LPIN2: variants seen among roughly 807,000 people sequenced by gnomAD.
The protein encoded by LPIN2 is lipin 2.
In LPIN2, 55 loss-of-function variants were observed where a neutral mutation model predicts 111.4. That is an observed-to-expected ratio of 0.49 (90% CI 0.40 to 0.62). The LOEUF (loss-of-function observed/expected upper bound fraction) is 0.62, where lower values mean the gene tolerates loss of function less well. LPIN2 is among the 20% of genes least tolerant of loss of function. The pLI is 0.00. For synonymous variants in LPIN2, 425 were observed against 414.0 expected, an observed-to-expected ratio of 1.03 and a Z score of -0.32; for missense variants, 992 against 1,112.1, an observed-to-expected ratio of 0.89 and a Z score of 1.54.
At chr18:3,006,816 G>A (rs568696401) in intron 1 of LPIN2, among the ~76,000 whole-genome samples, 43 of 150,674 alleles carry the variant, frequency 2.9e-4, no homozygotes, top group South Asian at 1.9e-3. Context: ...CAGCCTGGGC[G>A]ACAGAACGAG....
At chr18:2,983,913 A>G (rs1192004767) in intron 1 of LPIN2, among the ~76,000 whole-genome samples, 2 of 152,156 alleles carry the variant, frequency 1.3e-5, no homozygotes, top group Non-Finnish European at 2.9e-5. Context: ...TCTTGAGAAC[A>G]AGGTGGGGAA....
intron 1 of LPIN2, among the ~76,000 whole-genome samples, chr18:2,998,858 A>T (rs1271477968): frequency 6.6e-6 from 1 of 152,190 alleles, no homozygotes; most frequent in Non-Finnish European, 1.5e-5. Flanking sequence ...TTCTTTAGTC[A>T]TTTTGCCAAC....
rs753446929 is a variant in LPIN2, at chr18:2,937,897, G to C, written c.963C>G (p.Val321=). 7.4e-6 allele frequency: 12 copies of C among 1,614,162 alleles called. No individual in the cohort carries two copies. Among genetic ancestry groups the C allele is most frequent in the Non-Finnish European group, 9.3e-6 (11 of 1,180,016 alleles). Residue 321 remains valine, a synonymous_variant, in exon 7 of 20, where the codon GTC becomes GTG. Transcript: ENST00000677752. The stretch of plus-strand genomic sequence containing the variant: ...TGGGTTTGGGCTTCACTATGGTACA[G>C]ACAGTGTCTTCCATGGAAGCATCCT... The part of the protein sequence containing the change: ...VEKDASMEDT[V]CTIVKPKPRA...
At chr18:3,008,428 T>TG (rs1267990301) in intron 1 of LPIN2, among the ~76,000 whole-genome samples, 5 of 152,340 alleles carry the variant, frequency 3.3e-5, no homozygotes, top group Admixed American at 6.5e-5. Flanking sequence ...GGTGACCAAG[T>TG]GAGACCTTGT....
chr18:2,943,282 A>G (rs1318729838), intron 4 of LPIN2, among the ~76,000 whole-genome samples: 1 of 152,154 alleles, frequency 6.6e-6, no homozygotes, highest in African/African-American at 2.4e-5. Flanking sequence ...AACATATGCT[A>G]CCTAACGGTA....
chr18:2,980,059 A>T (rs945835331), intron 1 of LPIN2, among the ~76,000 whole-genome samples: 1 of 152,216 alleles, frequency 6.6e-6, no homozygotes, highest in Non-Finnish European at 1.5e-5. Flanking sequence ...GAGGGAGGAA[A>T]GGTATCATTT....
intron 1 of LPIN2, chr18:2,990,668 A>G: frequency 3.9e-6 from 1 of 254,758 alleles, no homozygotes. Flanking sequence ...TGCAACACAC[A>G]CCTCATCCAT....
chr18:3,001,023 C>G (rs912519669), intron 1 of LPIN2, among the ~76,000 whole-genome samples: 1 of 151,686 alleles, frequency 6.6e-6, no homozygotes. Flanking sequence ...TGAGACTTCT[C>G]AAAAAAAGGT....
chr18:2,946,592 G>A lies in LPIN2; in HGVS notation c.590+4463C>T, dbSNP rs571744093. On this transcript the variant is annotated intron_variant, in intron 4 of 19. Transcript: ENST00000677752. ...AACACCGGGAACAGCAAGAGGATGC[G>A]TTAGCCAATCCCGTGTTGCTAGCAC... 4.6e-5 allele frequency: 43 copies of A among 936,020 alleles called. No homozygotes were observed. The Middle Eastern group carries it at 8.4e-4, about 18-fold the overall frequency. The allele number at this position is 936,020 out of a possible 1,614,324, so 58.0% of individuals were successfully genotyped here. A position where few individuals can be genotyped will look rare whatever the true frequency, so the allele number is the denominator to read the frequency against.
chr18:2,926,783 T>C lies in LPIN2; in HGVS notation c.1733A>G (p.Lys578Arg). The change falls in exon 13 of 20, where the codon AAA (lysine) becomes AGA (arginine). Residue 578 changes from lysine (K) to arginine (R), a missense_variant. By Grantham distance (26) the Lys-to-Arg change is conservative (BLOSUM62 2). Transcript: ENST00000677752. Reference sequence around the variant, plus strand: ...GTCACTGGCTGGCGGTGCCTCAGATTTTCCCTCCTTGGATTCTGGCAGCTG... The same window carrying C: ...GTCACTGGCTGGCGGTGCCTCAGATCTTCCCTCCTTGGATTCTGGCAGCTG... ...TKQLPESKEG[K>R]SEAPPASDLP... 3 of 1,613,814 alleles carry C rather than the reference T, an allele frequency of 1.9e-6. No individual in the cohort carries two copies. Among genetic ancestry groups the C allele is most frequent in the Non-Finnish European group, 2.5e-6 (3 of 1,180,012 alleles).
rs574218389 is a variant in LPIN2 at position 2,925,132 on chromosome 18, G to C, written c.1938+92C>G. On this transcript the variant is annotated intron_variant, in intron 14 of 19. Coordinates refer to ENST00000677752, the MANE Select transcript of LPIN2 (RefSeq NM_001375808.2). The surrounding 1 kb of genome is among the most constrained non-coding windows in gnomAD (Gnocchi z 4.1). The stretch of plus-strand genomic sequence containing the variant: ...GACCATGCCGTGTGGCGTGTATGCA[G>C]CTGGGGACGTGTGGACAGAAGAGGA... The C allele has an allele frequency of 6.7e-7, 1 of 1,500,736 alleles. No homozygotes were observed. Among genetic ancestry groups the C allele is most frequent in the Admixed American group, 1.7e-5 (1 of 59,180 alleles). 93.0% of individuals were successfully genotyped at this position (1,500,736 alleles called of 1,614,324 possible).
At chr18:3,009,605 A>C (rs571483732) in intron 1 of LPIN2, among the ~76,000 whole-genome samples, 52 of 151,606 alleles carry the variant, frequency 3.4e-4, no homozygotes, top group African/African-American at 1.2e-3. Context: ...CACCTGGCTA[A>C]TTCTTTTGTA....
intron 8 of LPIN2, among the ~76,000 whole-genome samples, chr18:2,933,090 A>C (rs1243828862): frequency 6.6e-6 from 1 of 152,240 alleles, no homozygotes; most frequent in African/African-American, 2.4e-5. Flanking sequence ...CAAATACTGT[A>C]AATTTGGTAA....
intron 1 of LPIN2, among the ~76,000 whole-genome samples, chr18:2,985,727 C>G (rs2078178025): frequency 1.3e-5 from 2 of 152,114 alleles, no homozygotes; most frequent in Admixed American, 1.3e-4. Flanking sequence ...ATTTGCTTAT[C>G]TGAAGCTGTA....
In LPIN2 at chr18:2,986,560, A is replaced by AAAAG. The variant is rs1188609469; in HGVS notation, c.-9-25715_-9-25712dup. On this transcript the variant is annotated intron_variant, in intron 1 of 19. Coordinates refer to ENST00000677752, the MANE Select transcript of LPIN2 (RefSeq NM_001375808.2). ...ATTTTTTTAATGTAAAAAAAAAAAA[A>AAAAG]AAAGAAAGACTAACTGGCCAAAGCT... Among the ~76,000 whole-genome samples, 1,515 of 151,894 alleles carry AAAAG rather than the reference A, an allele frequency of 1.0e-2. 16 individuals carry two copies. The highest frequency in any genetic ancestry group is 0.021 in the South Asian group (102 of 4,812).
At position 2,920,450 on chromosome 18, in the gene LPIN2, T is replaced by C. The variant is rs757226809; in HGVS notation, c.2547-13A>G. On this transcript the variant is annotated splice_polypyrimidine_tract_variant and intron_variant, in intron 19 of 19. Transcript: ENST00000677752. ...CAGCCTGTGATACCTAAGAGAAAGG[T>C]TGGGGAAGAGGCACAGGCTATTACT... The C allele has an allele frequency of 1.2e-6, 2 of 1,613,208 alleles. No individual in the cohort carries two copies. The highest frequency in any genetic ancestry group is 2.7e-5 in the African/African-American group (2 of 74,868).
chr18:2,941,478 C>T (rs2077366057), intron 4 of LPIN2, among the ~76,000 whole-genome samples: 1 of 152,202 alleles, frequency 6.6e-6, no homozygotes, highest in Non-Finnish European at 1.5e-5. Context: ...AACTACCTTG[C>T]CATATAACCT....
chr18:2,945,912 G>C (rs1453091430), intron 4 of LPIN2: 1 of 1,419,238 alleles, frequency 7.0e-7, no homozygotes, highest in Non-Finnish European at 9.9e-7. Context: ...CTTTTGTACA[G>C]CCCTCTTGGT....
At chr18:2,938,188 G>A (rs2077317538) in intron 6 of LPIN2, 151 bp from the exon 7 acceptor site, 1 of 670,228 alleles carries the variant, frequency 1.5e-6, no homozygotes, top group South Asian at 1.8e-5. Flanking sequence ...ATAATAAAGT[G>A]AGAAAAACTA....
Sources: gnomAD v4.1 joint callset for allele counts (sites outside exome capture counted in the v4.1 genomes callset) on GRCh38, gnomAD v4.1.1 for gene constraint, Gnocchi (gnomAD v3.1) non-coding constraint, MANE v1.5 for transcripts, NCBI Gene and HGNC (gene_info 2026-07-23, HGNC 2026-07-21) for gene names.